The following RIMS1 variants were observed in gnomAD, a reference collection of about 807,000 sequenced individuals.
RIMS1 encodes the protein regulating synaptic membrane exocytosis protein 1.
RIMS1 carries 83 observed loss-of-function variants against 214.1 expected under a neutral mutation model. The observed-to-expected ratio is 0.39, with a 90% CI of 0.32 to 0.47. The LOEUF is 0.47. Among genes scored for constraint, RIMS1 ranks in the 20% least tolerant of loss-of-function variants. RIMS1 has a pLI of 0.99. For synonymous variants in RIMS1, 793 were observed against 786.8 expected, an observed-to-expected ratio of 1.01 and a Z score of -0.13; for missense variants, 2,050 against 2,161.8, an observed-to-expected ratio of 0.95 and a Z score of 1.03.
chr6:71,997,476 C>T (rs1000858846), intron 2 of RIMS1, among the ~76,000 whole-genome samples: 6 of 152,110 alleles, frequency 3.9e-5, no homozygotes, highest in Non-Finnish European at 5.9e-5. Flanking sequence ...AAATTGCTGT[C>T]CCTTTCATTA....
intron 4 of RIMS1, among the ~76,000 whole-genome samples, chr6:72,150,625 G>A (rs1017992028): frequency 3.3e-5 from 5 of 152,218 alleles, no homozygotes; most frequent in African/African-American, 9.6e-5. Flanking sequence ...AGCCAGAAAT[G>A]TGTCACCTTA....
chr6:71,902,529 T>C (rs918887325), intron 1 of RIMS1, among the ~76,000 whole-genome samples: 4 of 152,104 alleles, frequency 2.6e-5, no homozygotes, highest in Non-Finnish European at 5.9e-5. Flanking sequence ...TGATCTTTCT[T>C]TTTTTCTTCA....
intron 19 of RIMS1, chr6:72,262,316 A>G: frequency 3.2e-6 from 3 of 944,810 alleles, no homozygotes; most frequent in Non-Finnish European, 3.8e-6. Context: ...AGTCCTATTT[A>G]ATAGTCTCTG....
chr6:71,895,907 T>C (rs1342087544), intron 1 of RIMS1, among the ~76,000 whole-genome samples: 1 of 152,182 alleles, frequency 6.6e-6, no homozygotes, highest in East Asian at 1.9e-4. Context: ...ACTTAGCGTA[T>C]TGGTAGAAAG....
intron 2 of RIMS1, among the ~76,000 whole-genome samples, chr6:72,034,533 A>T (rs1819042988): frequency 6.6e-6 from 1 of 152,026 alleles, no homozygotes. Context: ...GTGGTGCTCC[A>T]TACGCTAGCT....
At chr6:72,129,569 A>G (rs1288376540) in intron 4 of RIMS1, among the ~76,000 whole-genome samples, 1 of 152,186 alleles carries the variant, frequency 6.6e-6, no homozygotes, top group Non-Finnish European at 1.5e-5. Context: ...ATTATATTTT[A>G]TAAGTATAAG....
At chr6:72,268,119 T>C (rs1591320375) in intron 22 of RIMS1, among the ~76,000 whole-genome samples, 1 of 152,278 alleles carries the variant, frequency 6.6e-6, no homozygotes, top group Middle Eastern at 3.4e-3. Context: ...ACAGAAGCTG[T>C]AGATGCTTAT....
At chr6:72,219,744 G>T (rs1025199201) in intron 6 of RIMS1, among the ~76,000 whole-genome samples, 20 of 151,752 alleles carry the variant, frequency 1.3e-4, no homozygotes, top group African/African-American at 4.4e-4. Context: ...TCTAGAGAAT[G>T]CTTAGCCCTT....
chr6:72,210,945 ATAT>A (rs1199240290), intron 6 of RIMS1, among the ~76,000 whole-genome samples: 3 of 152,198 alleles, frequency 2.0e-5, no homozygotes, highest in Non-Finnish European at 4.4e-5. Context: ...ACAGAATGAA[ATAT>A]TATGCAAGGC....
chr6:72,331,579 G>A (rs7745936), intron 28 of RIMS1, among the ~76,000 whole-genome samples: 77 of 151,874 alleles, frequency 5.1e-4, no homozygotes, highest in African/African-American at 1.7e-3. Flanking sequence ...GATGGGTGGC[G>A]TATTAGATAA....
chr6:72,032,961 T>C (rs1205375464), intron 2 of RIMS1, among the ~76,000 whole-genome samples: 1 of 152,098 alleles, frequency 6.6e-6, no homozygotes, highest in African/African-American at 2.4e-5. Context: ...AAGAAATAAC[T>C]AGCCAGGCCT....
At chr6:72,390,761 T>A (rs1245272282) in intron 30 of RIMS1, 25 bp downstream of exon 30, 3 of 1,611,764 alleles carry the variant, frequency 1.9e-6, no homozygotes, top group Non-Finnish European at 2.5e-6. Context: ...CACGTCTGCA[T>A]GGCTGTGGAA....
At chr6:72,157,321 AT>A (rs1473979172) in intron 4 of RIMS1, among the ~76,000 whole-genome samples, 1 of 140,352 alleles carries the variant, frequency 7.1e-6, no homozygotes, top group Non-Finnish European at 1.6e-5. Context: ...GTGAGATCAA[AT>A]TTTGTCCAAC....
intron 4 of RIMS1, among the ~76,000 whole-genome samples, chr6:72,146,688 C>T (rs150510960): frequency 3.9e-5 from 6 of 152,150 alleles, no homozygotes; most frequent in African/African-American, 9.7e-5. Context: ...CTTGTTCAAA[C>T]CTTTAGATTT....
chr6:72,162,747 C>T (rs970471077), intron 4 of RIMS1, among the ~76,000 whole-genome samples: 1 of 140,432 alleles, frequency 7.1e-6, no homozygotes, highest in Non-Finnish European at 1.6e-5. Context: ...GAGTTTCTTC[C>T]AAGAGATCAG....
intron 29 of RIMS1, among the ~76,000 whole-genome samples, chr6:72,353,947 C>A (rs568008017): frequency 6.6e-6 from 1 of 151,756 alleles, no homozygotes; most frequent in Non-Finnish European, 1.5e-5. Context: ...TGGCCGGGCA[C>A]GGTGGCTCAC....
At chr6:71,926,802 G>A (rs1022277023) in intron 1 of RIMS1, among the ~76,000 whole-genome samples, 1 of 152,104 alleles carries the variant, frequency 6.6e-6, no homozygotes, top group African/African-American at 2.4e-5. Flanking sequence ...TACGATTCAT[G>A]ATATCATTTT....
chr6:71,960,823 G>T (rs980493863), intron 1 of RIMS1, among the ~76,000 whole-genome samples: 1 of 152,036 alleles, frequency 6.6e-6, no homozygotes, highest in African/African-American at 2.4e-5. Flanking sequence ...TAGAAGCCTG[G>T]CAGAGTCTGC....
intron 24 of RIMS1, 58 bp downstream of exon 24, chr6:72,284,176 GCTGTCACT>G: frequency 7.2e-7 from 1 of 1,397,466 alleles, no homozygotes. Flanking sequence ...ATTTAGGGGT[GCTGTCACT>G]CTCATTTTAC....
Sources: allele counts gnomAD v4.1 joint callset (sites outside exome capture counted in the v4.1 genomes callset), GRCh38; gene constraint gnomAD v4.1.1; transcripts MANE v1.5; gene names NCBI Gene and HGNC (gene_info 2026-07-23, HGNC 2026-07-21).